Variants in GALNTL6 observed in about 807,000 individuals in gnomAD.
GALNTL6 encodes the protein polypeptide N-acetylgalactosaminyltransferase-like 6.
GALNTL6 carries 46 observed loss-of-function variants against 73.7 expected under a neutral mutation model. The observed-to-expected ratio is 0.62, with a 90% CI of 0.49 to 0.80. GALNTL6 has a LOEUF of 0.80. Ranked by LOEUF, GALNTL6 falls within the 30% of genes least tolerant of loss-of-function variation. The pLI is 0.00. For synonymous variants in GALNTL6, 259 were observed against 263.7 expected, an observed-to-expected ratio of 0.98 and a Z score of 0.17; for missense variants, 604 against 755.0, an observed-to-expected ratio of 0.80 and a Z score of 2.34.
rs113044870 is a variant in GALNTL6 at position 172,473,495 on chromosome 4, A to G, written c.553+124806A>G. Among the ~76,000 whole-genome samples, 1,383 of 152,266 alleles carry G rather than the reference A, an allele frequency of 9.1e-3. 12 individuals carry two copies. The highest frequency in any genetic ancestry group is 0.031 in the African/African-American group (1,309 of 41,560). On this transcript the variant is annotated intron_variant, in intron 5 of 12. Coordinates refer to ENST00000506823, the MANE Select transcript of GALNTL6 (RefSeq NM_001034845.3). ...TGAAACTTCCCTAGGGAGGACAACA[A>G]TGACCTCCATGTCACTCAAGCCAGT... is the stretch of plus-strand genomic sequence containing the variant.
intron 5 of GALNTL6, among the ~76,000 whole-genome samples, chr4:172,560,412 CA>C: frequency 6.6e-6 from 1 of 152,014 alleles, no homozygotes; most frequent in Non-Finnish European, 1.5e-5. Context: ...GCAGGAGGAT[CA>C]CTTGAGCCCA....
chr4:172,742,136 C>G (rs182286418), intron 5 of GALNTL6, among the ~76,000 whole-genome samples: 2 of 152,018 alleles, frequency 1.3e-5, no homozygotes, highest in East Asian at 3.9e-4. Flanking sequence ...TCACATGTTT[C>G]TTTTGCCCAG....
rs114168189 is a variant in GALNTL6, at chr4:173,014,075, A to T, written c.1488+4781A>T. Among the ~76,000 whole-genome samples the T allele has an allele frequency of 3.4e-3, 517 of 152,324 alleles. 3 individuals are homozygous for T. Among genetic ancestry groups the T allele is most frequent in the African/African-American group, 0.012 (492 of 41,580 alleles). ...AAAAAAAGTGGCAAAAATTAAAAAA[A>T]GGAAAAAACAAAATTGTTACATGGG... is the stretch of plus-strand genomic sequence containing the variant. On this transcript the variant is annotated intron_variant, in intron 11 of 12. Transcript: ENST00000506823.
At chr4:172,364,218 T>C (rs749552285) in intron 5 of GALNTL6, among the ~76,000 whole-genome samples, 1 of 152,092 alleles carries the variant, frequency 6.6e-6, no homozygotes, top group Non-Finnish European at 1.5e-5. Context: ...AGGCCAGAAG[T>C]TGGAGTCTAG....
At chr4:172,946,238 C>T (rs1043535887) in intron 9 of GALNTL6, among the ~76,000 whole-genome samples, 9 of 151,936 alleles carry the variant, frequency 5.9e-5, no homozygotes, top group African/African-American at 2.2e-4. Context: ...GGGATCTTGC[C>T]AGGACACATG....
At position 172,941,028 on chromosome 4, in the gene GALNTL6, T is replaced by A. The variant is rs114615344; in HGVS notation, c.1149+9760T>A. 4.8e-3 allele frequency among the ~76,000 whole-genome samples: 726 copies of A among 152,328 alleles called. 7 individuals are homozygous for A. Among genetic ancestry groups the A allele is most frequent in the African/African-American group, 0.016 (683 of 41,572 alleles). On this transcript the variant is annotated intron_variant, in intron 9 of 12. Transcript: ENST00000506823. ...TTCCAACTTATTTACTCTAAATATT[T>A]TTTCCTCAAAAGCTCTCACAGATGT...
intron 5 of GALNTL6, among the ~76,000 whole-genome samples, chr4:172,358,069 C>CTATT (rs1348277926): frequency 1.3e-5 from 2 of 152,012 alleles, no homozygotes; most frequent in Non-Finnish European, 2.9e-5. Flanking sequence ...ATTTATCTGT[C>CTATT]TATTTATTTA....
intron 7 of GALNTL6, among the ~76,000 whole-genome samples, chr4:172,841,942 C>T (rs1423149083): frequency 1.3e-5 from 2 of 152,182 alleles, no homozygotes; most frequent in Non-Finnish European, 2.9e-5. Flanking sequence ...TAACAGCTGC[C>T]ATTCACTGAG....
At chr4:172,415,965 A>G (rs1004796035) in intron 5 of GALNTL6, among the ~76,000 whole-genome samples, 1 of 152,178 alleles carries the variant, frequency 6.6e-6, no homozygotes, top group East Asian at 1.9e-4. Context: ...CTGACTACTG[A>G]TTTCATTTCT....
intron 2 of GALNTL6, among the ~76,000 whole-genome samples, chr4:171,903,500 C>T (rs9760922): frequency 6.7e-4 from 101 of 151,476 alleles, no homozygotes; most frequent in African/African-American, 1.6e-3. Flanking sequence ...CCCACGCCCA[C>T]GGAGTCTCGC....
chr4:172,150,686 G>C (rs1284588886), intron 2 of GALNTL6, among the ~76,000 whole-genome samples: 1 of 152,166 alleles, frequency 6.6e-6, no homozygotes, highest in African/African-American at 2.4e-5. Context: ...GGTCACAATG[G>C]AACAGGATGA....
intron 5 of GALNTL6, among the ~76,000 whole-genome samples, chr4:172,618,171 A>G (rs576117383): frequency 6.6e-6 from 1 of 152,124 alleles, no homozygotes; most frequent in East Asian, 1.9e-4. Flanking sequence ...TACTAATATA[A>G]GGATATGGTG....
At chr4:172,757,002 T>C (rs1357652254) in intron 5 of GALNTL6, among the ~76,000 whole-genome samples, 1 of 152,236 alleles carries the variant, frequency 6.6e-6, no homozygotes, top group Admixed American at 6.5e-5. Flanking sequence ...GCATTTTATC[T>C]GATGTTCTTT....
chr4:172,101,806 A>G (rs2110961561), intron 2 of GALNTL6, among the ~76,000 whole-genome samples: 1 of 152,254 alleles, frequency 6.6e-6, no homozygotes, highest in Admixed American at 6.5e-5. Context: ...AACATCAGTA[A>G]TTTACTTCAT....
At chr4:172,012,314 G>A (rs986949045) in intron 2 of GALNTL6, among the ~76,000 whole-genome samples, 1 of 152,028 alleles carries the variant, frequency 6.6e-6, no homozygotes, top group Non-Finnish European at 1.5e-5. Flanking sequence ...CACCAGGGCC[G>A]AATTCTGAGC....
intron 2 of GALNTL6, among the ~76,000 whole-genome samples, chr4:171,909,604 C>A (rs1737411211): frequency 6.6e-6 from 1 of 152,086 alleles, no homozygotes; most frequent in Non-Finnish European, 1.5e-5. Flanking sequence ...GTAGAAAAAT[C>A]CATGAATAGG....
chr4:172,116,600 A>G lies in GALNTL6; in HGVS notation c.139-113056A>G, dbSNP rs542432827. 1.5e-3 allele frequency among the ~76,000 whole-genome samples: 225 copies of G among 152,260 alleles called. 2 individuals carry two copies. The highest frequency in any genetic ancestry group is 5.3e-3 in the African/African-American group (220 of 41,558). Reference sequence around the variant, plus strand: ...TTTTAACTACATTGATATTCTCTGTATTATTCCTCTGAGAGCTTGAGAATG... The same window carrying G: ...TTTTAACTACATTGATATTCTCTGTGTTATTCCTCTGAGAGCTTGAGAATG... On this transcript the variant is annotated intron_variant, in intron 2 of 12. Transcript: ENST00000506823.
chr4:172,532,003 G>A (rs1483999927), intron 5 of GALNTL6, among the ~76,000 whole-genome samples: 2 of 152,222 alleles, frequency 1.3e-5, no homozygotes, highest in Non-Finnish European at 2.9e-5. Context: ...CTCCAAGAAT[G>A]GGTGGGAGTA....
chr4:172,727,240 T>C lies in GALNTL6; in HGVS notation c.554-82121T>C, dbSNP rs150781896. On this transcript the variant is annotated intron_variant, in intron 5 of 12. Coordinates refer to ENST00000506823, the MANE Select transcript of GALNTL6 (RefSeq NM_001034845.3). Reference sequence around the variant, plus strand: ...ACTCTACTGTTTTAAGAAATAACGCTGTAGTCATCCAGAAGTCTTACCTCT... The same window carrying C: ...ACTCTACTGTTTTAAGAAATAACGCCGTAGTCATCCAGAAGTCTTACCTCT... Among the ~76,000 whole-genome samples the C allele has an allele frequency of 1.0e-3, 152 of 152,296 alleles. 1 individual carries two copies. The highest frequency in any genetic ancestry group is 3.5e-3 in the African/African-American group (145 of 41,576).
Sources: gnomAD v4.1 joint callset for allele counts (sites outside exome capture counted in the v4.1 genomes callset) on GRCh38, gnomAD v4.1.1 for gene constraint, MANE v1.5 for transcripts, NCBI Gene and HGNC (gene_info 2026-07-23, HGNC 2026-07-21) for gene names.